The following TAFA2 variants were observed in gnomAD, a reference collection of about 807,000 sequenced individuals.
TAFA2 encodes chemokine-like protein TAFA-2.
A neutral mutation model predicts 18.8 loss-of-function variants in TAFA2; 7 were observed. The observed-to-expected ratio is 0.37, with a 90% CI of 0.21 to 0.70. The LOEUF is 0.70. TAFA2 is among the 30% of genes least tolerant of loss of function. The pLI is 0.53. For missense variants in TAFA2, 122 were observed against 158.1 expected, an observed-to-expected ratio of 0.77 and a Z score of 1.23; for synonymous variants, 60 against 54.2, an observed-to-expected ratio of 1.11 and a Z score of -0.47.
At chr12:62,061,893 A>T (rs994595752) in intron 1 of TAFA2, among the ~76,000 whole-genome samples, 1 of 152,198 alleles carries the variant, frequency 6.6e-6, no homozygotes, top group African/African-American at 2.4e-5. Context: ...AGTAAGCATG[A>T]GAGTACTGAG....
At chr12:61,787,899 A>T (rs1870803753) in intron 2 of TAFA2, among the ~76,000 whole-genome samples, 1 of 151,666 alleles carries the variant, frequency 6.6e-6, no homozygotes, top group Non-Finnish European at 1.5e-5. Context: ...CAGTTAAAAG[A>T]TATAGAGCGG....
intron 1 of TAFA2, among the ~76,000 whole-genome samples, chr12:62,130,764 G>A (rs1037443298): frequency 1.3e-5 from 2 of 151,982 alleles, no homozygotes; most frequent in African/African-American, 2.4e-5. Flanking sequence ...TGTTTTAAGT[G>A]TTCTGATTTT....
At chr12:62,119,211 A>C (rs1401052719) in intron 1 of TAFA2, among the ~76,000 whole-genome samples, 1 of 152,164 alleles carries the variant, frequency 6.6e-6, no homozygotes, top group Non-Finnish European at 1.5e-5. Flanking sequence ...TTATTATTAC[A>C]TTATTCTTAA....
At chr12:61,958,110 T>A (rs1477987980) in intron 1 of TAFA2, among the ~76,000 whole-genome samples, 1 of 152,150 alleles carries the variant, frequency 6.6e-6, no homozygotes, top group East Asian at 1.9e-4. Context: ...ACAGAAATAT[T>A]GTGTACAGAT....
intron 1 of TAFA2, among the ~76,000 whole-genome samples, chr12:62,199,525 C>A (rs1267604971): frequency 6.6e-6 from 1 of 151,978 alleles, no homozygotes; most frequent in African/African-American, 2.4e-5. Context: ...CATTTCCCTG[C>A]AAAGGACATG....
chr12:61,958,384 C>T (rs933088315), intron 1 of TAFA2, among the ~76,000 whole-genome samples: 1 of 151,986 alleles, frequency 6.6e-6, no homozygotes, highest in Non-Finnish European at 1.5e-5. Flanking sequence ...TATAAATTTA[C>T]AACATTGCAT....
At chr12:62,180,427 T>C (rs1430463594) in intron 1 of TAFA2, among the ~76,000 whole-genome samples, 3 of 152,158 alleles carry the variant, frequency 2.0e-5, no homozygotes, top group Non-Finnish European at 4.4e-5. Context: ...AAAGACATCA[T>C]ATTCAAGGGT....
At chr12:61,797,315 C>A (rs906369087) in intron 2 of TAFA2, among the ~76,000 whole-genome samples, 1 of 152,060 alleles carries the variant, frequency 6.6e-6, no homozygotes, top group Admixed American at 6.6e-5. Flanking sequence ...CTACCAGTAA[C>A]AGCATCTGTG....
chr12:62,236,221 T>C (rs981155311), intron 1 of TAFA2, among the ~76,000 whole-genome samples: 1 of 152,176 alleles, frequency 6.6e-6, no homozygotes, highest in African/African-American at 2.4e-5. Flanking sequence ...ATGCGTGTAT[T>C]TACTTTACCA....
intron 1 of TAFA2, among the ~76,000 whole-genome samples, chr12:62,204,242 T>A (rs111315491): frequency 6.6e-6 from 1 of 152,196 alleles, no homozygotes; most frequent in Admixed American, 6.5e-5. Flanking sequence ...GTAGGTGACC[T>A]GGCCTTTCTC....
chr12:61,929,123 G>T (rs145977526), intron 1 of TAFA2, among the ~76,000 whole-genome samples: 1 of 150,518 alleles, frequency 6.6e-6, no homozygotes, highest in East Asian at 1.9e-4. Context: ...AAACCTGCAC[G>T]TTCTGCACAT....
chr12:61,930,529 G>A (rs946818379), intron 1 of TAFA2, among the ~76,000 whole-genome samples: 2 of 152,284 alleles, frequency 1.3e-5, no homozygotes, highest in East Asian at 1.9e-4. Context: ...AGACAAGAAA[G>A]CTGAAACCTC....
intron 1 of TAFA2, among the ~76,000 whole-genome samples, chr12:61,924,791 T>C (rs996657868): frequency 6.6e-6 from 1 of 152,266 alleles, no homozygotes; most frequent in East Asian, 1.9e-4. Flanking sequence ...AGACACAGAC[T>C]GGCAAATTCA....
At chr12:61,734,401 T>G in intron 4 of TAFA2, among the ~76,000 whole-genome samples, 1 of 146,922 alleles carries the variant, frequency 6.8e-6, no homozygotes, top group African/African-American at 2.5e-5. Flanking sequence ...CATTAGGAGA[T>G]ATACCTAATA....
In TAFA2 at chr12:62,251,804, AG is replaced by A. The variant is rs35956857; in HGVS notation, c.-130+6958del. ...CCCCTGAAGAGAGCATGAACTACAC[AG>A]GGTGCCTCTTTTCTATTGAGAGTGA... is the stretch of plus-strand genomic sequence containing the variant. On this transcript the variant is annotated intron_variant, in intron 1 of 5. Transcript: ENST00000551619. Among the ~76,000 whole-genome samples, 83 of 152,322 alleles carry A rather than the reference AG, an allele frequency of 5.4e-4. No individual in the cohort carries two copies. In the East Asian group the frequency reaches 0.013, roughly 23 times the overall value.
chr12:61,724,242 T>A (rs1338756040), intron 4 of TAFA2, among the ~76,000 whole-genome samples: 2 of 152,138 alleles, frequency 1.3e-5, no homozygotes, highest in Non-Finnish European at 2.9e-5. Context: ...GATTTGGGGT[T>A]TCCCCCTCAT....
chr12:61,955,711 A>G (rs577661500), intron 1 of TAFA2, among the ~76,000 whole-genome samples: 5 of 142,650 alleles, frequency 3.5e-5, no homozygotes, highest in African/African-American at 1.3e-4. Context: ...CCCAACAGTC[A>G]CAAGGAGGGG....
chr12:62,141,409 G>T (rs2136907588), intron 1 of TAFA2, among the ~76,000 whole-genome samples: 1 of 152,248 alleles, frequency 6.6e-6, no homozygotes, highest in Middle Eastern at 3.4e-3. Context: ...TAGCACCGTT[G>T]GTCAGGCTCT....
chr12:62,161,622 GC>G (rs1394723862), intron 1 of TAFA2, among the ~76,000 whole-genome samples: 2 of 152,052 alleles, frequency 1.3e-5, no homozygotes, highest in African/African-American at 2.4e-5. Context: ...GGTGATGGAT[GC>G]CCTGAAAGCC....
Sources: allele counts gnomAD v4.1 joint callset (sites outside exome capture counted in the v4.1 genomes callset), GRCh38; gene constraint gnomAD v4.1.1; transcripts MANE v1.5; gene names NCBI Gene and HGNC (gene_info 2026-07-23, HGNC 2026-07-21).